ROBO2: variants seen among roughly 807,000 people sequenced by gnomAD.
The protein encoded by ROBO2 is roundabout homolog 2.
A neutral mutation model predicts 160.8 loss-of-function variants in ROBO2; 53 were observed. The observed-to-expected ratio is 0.33, with a 90% CI of 0.26 to 0.41. ROBO2 has a LOEUF of 0.41. ROBO2 is among the 10% of genes least tolerant of loss of function. The pLI is 1.00. For synonymous variants in ROBO2, 664 were observed against 611.7 expected (o/e 1.09, Z -1.26); for missense variants, 1,577 against 1,722.4 (o/e 0.92, Z 1.49).
rs1341665120 is a variant in ROBO2 at position 77,170,268 on chromosome 3, C to G, written c.388+71928C>G. Among the ~76,000 whole-genome samples the G allele has an allele frequency of 1.3e-5, 2 of 151,882 alleles. 1 individual carries two copies. Among genetic ancestry groups the G allele is most frequent in the South Asian group, 4.2e-4 (2 of 4,818 alleles). On this transcript the variant is annotated intron_variant, in intron 2 of 25. Coordinates refer to ENST00000461745, the Ensembl canonical transcript of ROBO2. The stretch of plus-strand genomic sequence containing the variant: ...AATTATGCCTAAAAACTTGATAGTT[C>G]CAGATAGTTATTGGGTATACAACTA...
chr3:77,223,469 A>G (rs148003552), intron 2 of ROBO2, among the ~76,000 whole-genome samples: 1 of 152,200 alleles, frequency 6.6e-6, no homozygotes, highest in African/African-American at 2.4e-5. Flanking sequence ...GCTTCCTTGA[A>G]ATTTAGACCC....
At chr3:76,317,331 T>A (rs1027503148) in intron 2 of ROBO2, among the ~76,000 whole-genome samples, 4 of 152,222 alleles carry the variant, frequency 2.6e-5, no homozygotes, top group African/African-American at 7.2e-5. Context: ...GGGAAATCAT[T>A]TTTATTACAA....
chr3:76,362,333 C>T (rs1351454921), intron 2 of ROBO2, among the ~76,000 whole-genome samples: 1 of 151,984 alleles, frequency 6.6e-6, no homozygotes, highest in Non-Finnish European at 1.5e-5. Flanking sequence ...TTCTGCACTC[C>T]AGCCTGGGTT....
intron 2 of ROBO2, among the ~76,000 whole-genome samples, chr3:76,772,025 G>C (rs1034036627): frequency 2.6e-5 from 4 of 151,232 alleles, no homozygotes; most frequent in Non-Finnish European, 5.9e-5. Flanking sequence ...ATAGCATTAA[G>C]ATTTTTCCCA....
intron 1 of ROBO2, among the ~76,000 whole-genome samples, chr3:75,935,485 C>T (rs1167927310): frequency 6.6e-6 from 1 of 151,708 alleles, no homozygotes; most frequent in African/African-American, 2.4e-5. Context: ...TGCACTCCAG[C>T]CAGAGCAACA....
intron 2 of ROBO2, among the ~76,000 whole-genome samples, chr3:76,214,212 C>A (rs71195251): frequency 0.049 from 7,430 of 152,248 alleles, 273 homozygotes; most frequent in Non-Finnish European, 0.073. Flanking sequence ...ATACAACAGT[C>A]CATACAACTG....
intron 2 of ROBO2, among the ~76,000 whole-genome samples, chr3:76,902,230 T>C (rs1408679715): frequency 1.3e-5 from 2 of 152,032 alleles, no homozygotes; most frequent in Non-Finnish European, 2.9e-5. Flanking sequence ...ATGTAATAAA[T>C]AGCTTTGTTT....
chr3:76,517,614 T>C (rs2081405494), intron 2 of ROBO2, among the ~76,000 whole-genome samples: 1 of 152,234 alleles, frequency 6.6e-6, no homozygotes, highest in African/African-American at 2.4e-5. Context: ...GTATGTTATA[T>C]CAATTAACCC....
intron 2 of ROBO2, among the ~76,000 whole-genome samples, chr3:77,253,588 G>C (rs1232924790): frequency 1.3e-5 from 2 of 152,028 alleles, no homozygotes; most frequent in African/African-American, 2.4e-5. Context: ...CATCTGCTTG[G>C]GCAATGGAAA....
At chr3:76,416,944 G>T (rs531299827) in intron 2 of ROBO2, among the ~76,000 whole-genome samples, 1 of 152,264 alleles carries the variant, frequency 6.6e-6, no homozygotes, top group East Asian at 1.9e-4. Context: ...TGAAAGAAAA[G>T]TTTCTCAAAG....
At chr3:77,576,766 C>T (rs2093777103) in intron 14 of ROBO2, among the ~76,000 whole-genome samples, 2 of 152,078 alleles carry the variant, frequency 1.3e-5, no homozygotes, top group Non-Finnish European at 2.9e-5. Flanking sequence ...TCATCAGAGT[C>T]CCTTGCCCAT....
chr3:77,283,174 G>C (rs1235776775), intron 2 of ROBO2, among the ~76,000 whole-genome samples: 1 of 152,036 alleles, frequency 6.6e-6, no homozygotes, highest in Non-Finnish European at 1.5e-5. Context: ...GTATCTAAAA[G>C]GGAAATGAAG....
At chr3:77,094,646 A>G (rs1230602562) in intron 1 of ROBO2, among the ~76,000 whole-genome samples, 2 of 152,174 alleles carry the variant, frequency 1.3e-5, no homozygotes, top group African/African-American at 4.8e-5. Context: ...TTAAATTCAC[A>G]CTAGCAATGG....
chr3:76,264,440 C>A (rs2107605471), intron 2 of ROBO2, among the ~76,000 whole-genome samples: 1 of 151,012 alleles, frequency 6.6e-6, no homozygotes, highest in East Asian at 2.0e-4. Flanking sequence ...AGTACATTTT[C>A]TTGCCTGGAA....
intron 2 of ROBO2, among the ~76,000 whole-genome samples, chr3:76,339,378 G>A (rs938172296): frequency 6.6e-6 from 1 of 152,018 alleles, no homozygotes. Flanking sequence ...TGCTTTAGTG[G>A]AATATAAATA....
chr3:77,019,626 G>A (rs1187790610), intron 2 of ROBO2, among the ~76,000 whole-genome samples: 1 of 152,182 alleles, frequency 6.6e-6, no homozygotes, highest in African/African-American at 2.4e-5. Context: ...TCCATGAAAG[G>A]AAATGTCCCA....
At chr3:76,524,365 A>C (rs2081812177) in intron 2 of ROBO2, among the ~76,000 whole-genome samples, 1 of 152,012 alleles carries the variant, frequency 6.6e-6, no homozygotes, top group African/African-American at 2.4e-5. Context: ...GGCACTGCTA[A>C]AATGACAAAT....
exon 22 of ROBO2, chr3:77,617,585 GGAA>G (rs1559737720): frequency 1.9e-6 from 3 of 1,614,158 alleles, no homozygotes; most frequent in East Asian, 2.2e-5. Context: ...AAGATGAACT[GGAA>G]GAAGATGATG....
chr3:76,249,162 A>G (rs1705824037), intron 2 of ROBO2, among the ~76,000 whole-genome samples: 1 of 152,120 alleles, frequency 6.6e-6, no homozygotes, highest in South Asian at 2.1e-4. Flanking sequence ...TGAAATATTA[A>G]GAGACAACTT....
Sources: allele counts gnomAD v4.1 joint callset (sites outside exome capture counted in the v4.1 genomes callset), GRCh38; gene constraint gnomAD v4.1.1; transcripts MANE v1.5; gene names NCBI Gene and HGNC (gene_info 2026-07-23, HGNC 2026-07-21).